Variants in ABCA13 observed in about 807,000 individuals in gnomAD.
ABCA13 encodes ATP binding cassette subfamily A member 13, also known as ATP-binding cassette sub-family A member 13.
A neutral mutation model predicts 478.7 loss-of-function variants in ABCA13; 476 were observed. The ratio of observed to expected loss-of-function variants is 0.99; its 90% CI spans 0.92 to 1.07. The LOEUF (loss-of-function observed/expected upper bound fraction) is 1.07. Among genes scored for constraint, ABCA13 ranks in the 50% least tolerant of loss-of-function variants. ABCA13 has a pLI of 0.00. For synonymous variants in ABCA13, 2,252 were observed against 2,158.9 expected, an observed-to-expected ratio of 1.04 and a Z score of -1.20; for missense variants, 6,060 against 5,910.6, an observed-to-expected ratio of 1.03 and a Z score of -0.83.
intron 42 of ABCA13, among the ~76,000 whole-genome samples, chr7:48,436,703 T>G (rs772864024): frequency 4.0e-5 from 6 of 151,874 alleles, no homozygotes; most frequent in African/African-American, 1.4e-4. Flanking sequence ...CCCAGAAATT[T>G]TGGTATGTTG....
intron 55 of ABCA13, among the ~76,000 whole-genome samples, chr7:48,569,257 T>C (rs1787377002): frequency 6.6e-6 from 1 of 152,176 alleles, no homozygotes; most frequent in Admixed American, 6.5e-5. Flanking sequence ...ATTACAGCTG[T>C]ATCTTCTCTT....
At chr7:48,347,299 A>G (rs1157173261) in intron 29 of ABCA13, among the ~76,000 whole-genome samples, 2 of 152,224 alleles carry the variant, frequency 1.3e-5, no homozygotes, top group African/African-American at 4.8e-5. Flanking sequence ...CTAGTACAAT[A>G]TAACATTTTC....
Position 48,272,448 on chromosome 7 carries a change from G to C in ABCA13, c.2782G>C (p.Asp928His), listed in dbSNP as rs761690618. Residue 928 changes from aspartate to histidine, a missense_variant, in exon 17 of 62, where the codon GAT becomes CAT. Asp to His is a moderately conservative substitution (Grantham distance 81, BLOSUM62 -1). This residue lies in a region of ABCA13 where 4,423 missense variants were observed against 4,309.1 expected (regional missense o/e 1.03). Transcript: ENST00000435803. ...NTVYAIRNAS[D>H]LFSALSEPQK... Reference sequence around the variant, plus strand: ...AGTCTACGCTATCAGGAATGCATCTGATCTTTTCTCAGCCCTTTCTGAACC... The same window carrying C: ...AGTCTACGCTATCAGGAATGCATCTCATCTTTTCTCAGCCCTTTCTGAACC... The C allele has an allele frequency of 1.2e-6, 2 of 1,613,762 alleles. No homozygotes were observed.
chr7:48,417,943 C>A (rs953710134), intron 41 of ABCA13, among the ~76,000 whole-genome samples: 1 of 152,162 alleles, frequency 6.6e-6, no homozygotes, highest in African/African-American at 2.4e-5. Flanking sequence ...CCCTTGTAGC[C>A]TTTCCATTTT....
At chr7:48,215,144 T>A (rs1203877833) in intron 3 of ABCA13, among the ~76,000 whole-genome samples, 1 of 152,060 alleles carries the variant, frequency 6.6e-6, no homozygotes, top group African/African-American at 2.4e-5. Context: ...TTCTAATAAT[T>A]CTAGCTTTTG....
intron 27 of ABCA13, among the ~76,000 whole-genome samples, chr7:48,332,371 A>G (rs181447169): frequency 2.0e-5 from 3 of 152,358 alleles, no homozygotes; most frequent in Admixed American, 6.5e-5. Context: ...ATACAGACAT[A>G]CACACGTGGC....
chr7:48,376,642 A>G (rs886202374), intron 35 of ABCA13, 70 bp downstream of exon 35: 43 of 1,470,778 alleles, frequency 2.9e-5, no homozygotes, highest in Non-Finnish European at 2.0e-5. Flanking sequence ...ATGCATAAAT[A>G]TTAGAATAAT....
At chr7:48,484,362 T>C (rs1829079848) in intron 47 of ABCA13, among the ~76,000 whole-genome samples, 1 of 152,214 alleles carries the variant, frequency 6.6e-6, no homozygotes, top group African/African-American at 2.4e-5. Flanking sequence ...TTCATGAAGA[T>C]TTAAAGCTTG....
chr7:48,401,523 G>A (rs1309784430), intron 38 of ABCA13, among the ~76,000 whole-genome samples: 1 of 152,118 alleles, frequency 6.6e-6, no homozygotes, highest in Non-Finnish European at 1.5e-5. Context: ...ATATACACAT[G>A]ATTTATCTAG....
At chr7:48,459,706 A>G (rs145844939) in intron 43 of ABCA13, among the ~76,000 whole-genome samples, 151 of 152,324 alleles carry the variant, frequency 9.9e-4, no homozygotes, top group African/African-American at 3.3e-3. Context: ...TCCTGCCAAC[A>G]TGTCTATAAA....
At chr7:48,322,582 CG>C (rs1803653482) in intron 27 of ABCA13, among the ~76,000 whole-genome samples, 1 of 152,172 alleles carries the variant, frequency 6.6e-6, no homozygotes, top group African/African-American at 2.4e-5. Flanking sequence ...CCAGGGCAGC[CG>C]GTGCTCCTAC....
At chr7:48,426,915 C>G (rs67591654) in intron 41 of ABCA13, among the ~76,000 whole-genome samples, 41,796 of 142,502 alleles carry the variant, frequency 0.29, 5,896 homozygotes, top group East Asian at 0.39. Context: ...CAACACTCTG[C>G]GTGGTGCAGT....
intron 56 of ABCA13, among the ~76,000 whole-genome samples, chr7:48,586,742 T>G (rs963542958): frequency 6.6e-6 from 1 of 152,058 alleles, no homozygotes; most frequent in African/African-American, 2.4e-5. Context: ...TAAAGAAAAT[T>G]TTCTGCTTCG....
rs1013944726 is a variant in ABCA13 at position 48,459,074 on chromosome 7, C to A, written c.12815+3788C>A. Reference sequence around the variant, plus strand: ...TTTGAGAGTGCTCCAGAAATTCTCCCTCCCCACTAAGAAGTGTGAGAAAAG... The same window carrying A: ...TTTGAGAGTGCTCCAGAAATTCTCCATCCCCACTAAGAAGTGTGAGAAAAG... On this transcript the variant is annotated intron_variant, in intron 43 of 61. Transcript: ENST00000435803. 2.0e-5 allele frequency among the ~76,000 whole-genome samples: 3 copies of A among 152,280 alleles called. No individual in the cohort carries two copies. The East Asian group carries it at 5.8e-4, about 29-fold the overall frequency.
rs1253788632 is a variant in ABCA13 at position 48,455,143 on chromosome 7, G to T, written c.12672G>T (p.Lys4224Asn). The T allele has an allele frequency of 3.2e-6, 5 of 1,575,612 alleles. No homozygotes were observed. The African/African-American group carries it at 5.4e-5, about 17-fold the overall frequency. Residue 4224 changes from lysine (K) to asparagine (N), a missense_variant, in exon 43 of 62, where the codon AAG becomes AAT. By Grantham distance (94) the Lys-to-Asn change is moderately conservative. Transcript: ENST00000435803. ...TCCGCCGCACGCTGCGCGCCGGGAAGAGCACCCTCGCCGACCTGCTGCTGC... is the reference window on the plus strand; with the variant it reads ...TCCGCCGCACGCTGCGCGCCGGGAATAGCACCCTCGCCGACCTGCTGCTGC... ...RRLRRTLRAG[K>N]STLADLLLPV...
intron 15 of ABCA13, among the ~76,000 whole-genome samples, chr7:48,266,797 G>T (rs1469416569): frequency 1.3e-5 from 2 of 151,700 alleles, no homozygotes; most frequent in African/African-American, 4.8e-5. Context: ...ATACCATTTT[G>T]TTTTCTAATG....
intron 5 of ABCA13, among the ~76,000 whole-genome samples, chr7:48,226,825 C>A (rs1156493729): frequency 6.6e-6 from 1 of 152,168 alleles, no homozygotes. Context: ...TCTGATCAAG[C>A]CATCAGTGCT....
In ABCA13 at chr7:48,342,966, C is replaced by G. The variant is rs141375998; in HGVS notation, c.10204+4511C>G. ...CTCTCTGGTGAAAGTCTATTTTCAT[C>G]TAATTTTGGACACAATACTCACATA... is the stretch of plus-strand genomic sequence containing the variant. On this transcript the variant is annotated intron_variant, in intron 29 of 61. Coordinates refer to ENST00000435803, the MANE Select transcript of ABCA13 (RefSeq NM_152701.5). Among the ~76,000 whole-genome samples, 22 of 152,078 alleles carry G rather than the reference C, an allele frequency of 1.4e-4. No individual in the cohort carries two copies. The East Asian group carries it at 4.3e-3, about 29-fold the overall frequency.
chr7:48,236,247 G>C (rs1789935166), intron 8 of ABCA13, among the ~76,000 whole-genome samples: 1 of 152,282 alleles, frequency 6.6e-6, no homozygotes, highest in East Asian at 1.9e-4. Flanking sequence ...GTTTTGCAGA[G>C]AAATCTCCCA....
Sources: allele counts gnomAD v4.1 joint callset (sites outside exome capture counted in the v4.1 genomes callset), GRCh38; gene constraint gnomAD v4.1.1; regional missense constraint gnomAD v4.1.1; transcripts MANE v1.5; gene names NCBI Gene and HGNC (gene_info 2026-07-23, HGNC 2026-07-21).